CCDC66: variants seen among roughly 807,000 people sequenced by gnomAD.
CCDC66 encodes coiled-coil domain-containing protein 66.
A neutral mutation model predicts 128.3 loss-of-function variants in CCDC66; 133 were observed. That is an observed-to-expected ratio of 1.04 (90% CI 0.90 to 1.20). The LOEUF (loss-of-function observed/expected upper bound fraction) is 1.20, where lower values mean the gene tolerates loss of function less well. Ranked by LOEUF, CCDC66 falls within the 50% of genes most tolerant of loss-of-function variation. The pLI, the probability that CCDC66 is intolerant of heterozygous loss-of-function variation, is 0.00. For synonymous variants in CCDC66, 387 were observed against 357.0 expected (o/e 1.08, Z -0.95); for missense variants, 1,126 against 1,075.5 (o/e 1.05, Z -0.66).
At chr3:56,593,192 A>G in intron 8 of CCDC66, 91 bp downstream of exon 8, 1 of 1,067,718 alleles carries the variant, frequency 9.4e-7, no homozygotes, top group Non-Finnish European at 1.3e-6. Flanking sequence ...ACTCTTGACA[A>G]GACCAGAATA....
At position 56,617,137 on chromosome 3, in the gene CCDC66, C is replaced by A; in HGVS notation, c.1869C>A (p.Thr623=). ...QTDDLNIGIF[T]NAESHCGSLM... is the part of the protein sequence containing the mutation. ...ATGACTTAAATATAGGAATATTCAC[C>A]AATGCAGAATCACATTGTGGATCAT... is the stretch of plus-strand genomic sequence containing the variant. The change falls in exon 14 of 18, where the codon ACC becomes ACA. Residue 623 remains threonine (T), a synonymous_variant. Coordinates refer to ENST00000394672, the MANE Select transcript of CCDC66 (RefSeq NM_001141947.3). 6.4e-7 allele frequency: 1 copy of A among 1,552,258 alleles called. No homozygotes were observed. Among genetic ancestry groups the A allele is most frequent in the Non-Finnish European group, 8.7e-7 (1 of 1,151,846 alleles).
intron 10 of CCDC66, among the ~76,000 whole-genome samples, chr3:56,603,370 G>T (rs536245674): frequency 6.6e-6 from 1 of 152,058 alleles, no homozygotes; most frequent in Non-Finnish European, 1.5e-5. Context: ...TCTTTTAGTT[G>T]TGATGTTAGG....
intron 7 of CCDC66, among the ~76,000 whole-genome samples, chr3:56,579,184 T>A (rs2067899487): frequency 6.6e-6 from 1 of 151,860 alleles, no homozygotes; most frequent in East Asian, 2.0e-4. Context: ...GATTTTCTAG[T>A]TTATTTGTGT....
At chr3:56,617,914 C>G in intron 14 of CCDC66, 1 of 572,798 alleles carries the variant, frequency 1.7e-6, no homozygotes. Flanking sequence ...TACACAACTT[C>G]TGTAGATGGA....
rs1177931491 is a variant in CCDC66, at chr3:56,617,153, T to C, written c.1885T>C (p.Cys629Arg). ...AATATTCACCAATGCAGAATCACAT[T>C]GTGGATCATTAATGGAGAGGGACAT... ...IGIFTNAESH[C>R]GSLMERDITN... The change falls in exon 14 of 18, where the codon TGT becomes CGT. Residue 629 changes from cysteine to arginine, a missense_variant. Coordinates refer to ENST00000394672, the MANE Select transcript of CCDC66 (RefSeq NM_001141947.3). 1 of 1,599,320 alleles carries C rather than the reference T, an allele frequency of 6.3e-7. No individual in the cohort carries two copies.
chr3:56,594,179 G>T (rs2071434502), intron 10 of CCDC66, 151 bp downstream of exon 10: 1 of 692,804 alleles, frequency 1.4e-6, no homozygotes. Context: ...ACCACAACTG[G>T]CATTGTAATA....
rs201070977 is a variant in CCDC66, at chr3:56,566,707, G to C, written c.658G>C (p.Val220Leu). 4.2e-5 allele frequency: 67 copies of C among 1,613,854 alleles called. No homozygotes were observed. The Admixed American group carries it at 7.3e-4, about 18-fold the overall frequency. The change falls in exon 5 of 18, where the codon GTC becomes CTC. Residue 220 changes from valine to leucine, a missense_variant. Transcript: ENST00000394672. ...VSSVPAENKS[V>L]LNEHQETSKQ... ...ATCTGTCCCAGCTGAAAATAAATCT[G>C]TCTTAAATGAACATCAGGAGACATC...
Position 56,619,372 on chromosome 3 carries a change from T to G in CCDC66, c.2480T>G (p.Leu827Trp). The change falls in exon 16 of 18, where the codon TTG (leucine) becomes TGG (tryptophan). Residue 827 changes from leucine to tryptophan, a missense_variant. Transcript: ENST00000394672. ...AACAGTAGCTATGAGAGAGAGAATT[T>G]GATCTCAGGAAGTAATCAAACAGAA... ...LKNSSYEREN[L>W]ISGSNQTELS... 1 of 1,613,902 alleles carries G rather than the reference T, an allele frequency of 6.2e-7. No individual in the cohort carries two copies. Among genetic ancestry groups the G allele is most frequent in the Non-Finnish European group, 8.5e-7 (1 of 1,179,818 alleles).
At position 56,566,661 on chromosome 3, in the gene CCDC66, C is replaced by T. The variant is rs1273043296; in HGVS notation, c.612C>T (p.Phe204=). 1 of 1,608,770 alleles carries T rather than the reference C, an allele frequency of 6.2e-7. No homozygotes were observed. ...AGGATGAGAACATTATGGGATTATT[C>T]AAAAAAACTGAAATGGTTTCATCTG... ...QPKDENIMGL[F]KKTEMVSSVP... Residue 204 remains phenylalanine, a synonymous_variant, in exon 5 of 18, where the codon TTC becomes TTT. Coordinates refer to ENST00000394672, the MANE Select transcript of CCDC66 (RefSeq NM_001141947.3).
At chr3:56,579,908 G>A (rs939436952) in intron 7 of CCDC66, among the ~76,000 whole-genome samples, 1 of 151,896 alleles carries the variant, frequency 6.6e-6, no homozygotes, top group Non-Finnish European at 1.5e-5. Flanking sequence ...GGAGAGTTCT[G>A]TAGATGTCTG....
chr3:56,566,647 A>C lies in CCDC66; in HGVS notation c.598A>C (p.Ile200Leu). The change falls in exon 5 of 18, where the codon ATT (isoleucine) becomes CTT (leucine). Residue 200 changes from isoleucine (I) to leucine (L), a missense_variant. Physicochemically the swap from Ile to Leu is conservative, Grantham distance 5. Coordinates refer to ENST00000394672, the MANE Select transcript of CCDC66 (RefSeq NM_001141947.3). ...SISNQPKDENIMGLFKKTEMV... is the reference protein window; with the variant it reads ...SISNQPKDENLMGLFKKTEMV... Reference sequence around the variant, plus strand: ...TTCTAATCAGCCAAAGGATGAGAACATTATGGGATTATTCAAAAAAACTGA... The same window carrying C: ...TTCTAATCAGCCAAAGGATGAGAACCTTATGGGATTATTCAAAAAAACTGA... 6.2e-7 allele frequency: 1 copy of C among 1,602,092 alleles called. No homozygotes were observed. Among genetic ancestry groups the C allele is most frequent in the Non-Finnish European group, 8.6e-7 (1 of 1,169,212 alleles).
intron 10 of CCDC66, among the ~76,000 whole-genome samples, chr3:56,596,353 G>A (rs558856098): frequency 1.3e-5 from 2 of 152,244 alleles, no homozygotes; most frequent in East Asian, 1.9e-4. Context: ...GTCTTCTTTA[G>A]AAAAATGTTT....
At chr3:56,584,952 C>T (rs1433488600) in intron 7 of CCDC66, among the ~76,000 whole-genome samples, 3 of 151,868 alleles carry the variant, frequency 2.0e-5, no homozygotes, top group African/African-American at 4.8e-5. Context: ...ACCAGTCAGG[C>T]GTGGCGGCAC....
rs924036105 is a variant in CCDC66, at chr3:56,566,964, A to G, written c.725A>G (p.Lys242Arg). The part of the protein sequence containing the change: ...EQKIAIENEW[K>R]PADIFSTLGE... The stretch of plus-strand genomic sequence containing the variant: ...TTTTACCTTAGAGAGAATGAATGGA[A>G]ACCAGCTGATATATTCAGTACTCTG... Residue 242 changes from lysine to arginine, a missense_variant, in exon 6 of 18, where the codon AAA (lysine) becomes AGA (arginine). Transcript: ENST00000394672. 1 of 1,613,724 alleles carries G rather than the reference A, an allele frequency of 6.2e-7. No homozygotes were observed. The highest frequency in any genetic ancestry group is 8.5e-7 in the Non-Finnish European group (1 of 1,179,776).
At chr3:56,604,857 A>G (rs2073831767) in intron 10 of CCDC66, among the ~76,000 whole-genome samples, 1 of 152,048 alleles carries the variant, frequency 6.6e-6, no homozygotes, top group South Asian at 2.1e-4. Flanking sequence ...AATATCCTGA[A>G]GAGTGTTTTC....
chr3:56,571,339 C>G, intron 7 of CCDC66, 37 bp downstream of exon 7: 1 of 1,337,894 alleles, frequency 7.5e-7, no homozygotes, highest in Non-Finnish European at 1.0e-6. Flanking sequence ...AAATACTAAG[C>G]AGTGTTCATA....
At chr3:56,589,827 A>T (rs982460231) in intron 7 of CCDC66, among the ~76,000 whole-genome samples, 3 of 152,138 alleles carry the variant, frequency 2.0e-5, no homozygotes, top group Non-Finnish European at 4.4e-5. Flanking sequence ...AGACAACCCA[A>T]TTTTTTTAAT....
At chr3:56,577,553 G>C (rs910627013) in intron 7 of CCDC66, among the ~76,000 whole-genome samples, 18 of 151,856 alleles carry the variant, frequency 1.2e-4, no homozygotes, top group Middle Eastern at 6.8e-3. Context: ...TTAGGTCTTA[G>C]GTTTAAGTCT....
chr3:56,564,789 A>G (rs900474790), intron 4 of CCDC66, among the ~76,000 whole-genome samples: 4 of 152,220 alleles, frequency 2.6e-5, no homozygotes, highest in African/African-American at 9.6e-5. Flanking sequence ...TAAATAAAAA[A>G]TTAACAGTTC....
Sources: allele counts gnomAD v4.1 joint callset (sites outside exome capture counted in the v4.1 genomes callset), GRCh38; gene constraint gnomAD v4.1.1; transcripts MANE v1.5; gene names NCBI Gene and HGNC (gene_info 2026-07-23, HGNC 2026-07-21).